The following STK11IP variants were observed in gnomAD, a reference collection of about 807,000 sequenced individuals.
The protein encoded by STK11IP is serine/threonine kinase 11 interacting protein, also known as serine/threonine-protein kinase 11-interacting protein.
Under a neutral mutation model 131.7 loss-of-function variants are expected in STK11IP, and 103 were observed. The observed-to-expected ratio is 0.78, with a 90% CI of 0.67 to 0.92. The LOEUF is 0.92. STK11IP is among the 40% of genes least tolerant of loss of function. STK11IP has a pLI of 0.00. For missense variants in STK11IP, 1,315 were observed against 1,385.7 expected (o/e 0.95, Z 0.81); for synonymous variants, 557 against 575.6 (o/e 0.97, Z 0.46).
intron 7 of STK11IP, 32 bp downstream of exon 7, chr2:219,602,808 C>A: frequency 6.3e-7 from 1 of 1,589,056 alleles, no homozygotes; most frequent in East Asian, 2.2e-5. Flanking sequence ...GCTGGCACAC[C>A]ATGGGTCTTT....
intron 7 of STK11IP, 90 bp downstream of exon 7, chr2:219,602,866 C>A: frequency 1.5e-6 from 2 of 1,296,844 alleles, no homozygotes; most frequent in Non-Finnish European, 2.2e-6. Flanking sequence ...TTACTCCCAC[C>A]TTGCTCTTGC....
At chr2:219,615,707 G>A (rs778820344) in intron 24 of STK11IP, 8 of 641,566 alleles carry the variant, frequency 1.2e-5, no homozygotes, top group South Asian at 1.1e-4. Context: ...CTATTTACAG[G>A]TGAGGAAGCT....
intron 14 of STK11IP, 55 bp from the exon 15 acceptor site, chr2:219,608,528 G>T: frequency 6.5e-7 from 1 of 1,544,338 alleles, no homozygotes; most frequent in Non-Finnish European, 8.7e-7. Context: ...TCGGGGGAGG[G>T]CAGAGTGTGG....
In STK11IP at chr2:219,598,180, G is replaced by A; in HGVS notation, c.61G>A (p.Gly21Arg). The A allele has an allele frequency of 1.3e-6, 2 of 1,551,164 alleles. No individual in the cohort carries two copies. Among genetic ancestry groups the A allele is most frequent in the African/African-American group, 1.4e-5 (1 of 72,934 alleles). Residue 21 changes from glycine to arginine, a missense_variant and splice_region_variant, in exon 2 of 25, where the codon GGG becomes AGG. Coordinates refer to ENST00000456909, the MANE Select transcript of STK11IP (RefSeq NM_052902.4). ...GCTCGCGGGGTTGCTGCGGGAGTCC[G>A]GTGAGTGGACTTCCGGTTGGGCTGG... ...WKLAGLLRES[G>R]DVVLSGCSTL...
At position 219,606,738 on chromosome 2, in the gene STK11IP, C is replaced by T. The variant is rs1698178320; in HGVS notation, c.1014C>T (p.Pro338=). The change falls in exon 12 of 25, where the codon CCC becomes CCT. Residue 338 remains proline, a synonymous_variant. Coordinates refer to ENST00000456909, the MANE Select transcript of STK11IP (RefSeq NM_052902.4). Reference sequence around the variant, plus strand: ...CTCACACATCCTTGGGGCTCAGCCCCATGGGCCCACCTTTGCCCTGGCCAG... The same window carrying T: ...CTCACACATCCTTGGGGCTCAGCCCTATGGGCCCACCTTTGCCCTGGCCAG... ...FQTHTSLGLS[P]MGPPLPWPVG... 1 of 1,612,860 alleles carries T rather than the reference C, an allele frequency of 6.2e-7. No individual in the cohort carries two copies. The highest frequency in any genetic ancestry group is 8.5e-7 in the Non-Finnish European group (1 of 1,179,262).
chr2:219,609,694 C>G (rs1370770685), intron 17 of STK11IP, 154 bp downstream of exon 17: 1 of 828,820 alleles, frequency 1.2e-6, no homozygotes, highest in Non-Finnish European at 1.9e-6. Flanking sequence ...AACCGTCTGC[C>G]TGCTGCATTT....
intron 24 of STK11IP, 98 bp from the exon 25 acceptor site, chr2:219,615,946 C>A: frequency 6.7e-7 from 1 of 1,502,014 alleles, no homozygotes; most frequent in Non-Finnish European, 9.1e-7. Flanking sequence ...AGGCACTGAG[C>A]CAAGGTGGAG....
At chr2:219,604,182 T>C (rs1044166696) in intron 7 of STK11IP, among the ~76,000 whole-genome samples, 1 of 152,158 alleles carries the variant, frequency 6.6e-6, no homozygotes. Flanking sequence ...GAGTCACCAT[T>C]CTAGGGATGC....
chr2:219,598,355 G>A (rs1247326500), intron 2 of STK11IP, 175 bp downstream of exon 2: 3 of 524,364 alleles, frequency 5.7e-6, no homozygotes, highest in African/African-American at 4.0e-5. Context: ...CTTTGCCTGT[G>A]ATAGCCTAAA....
At chr2:219,613,542 G>A (rs1379041994) in intron 20 of STK11IP, among the ~76,000 whole-genome samples, 1 of 69,790 alleles carries the variant, frequency 1.4e-5, no homozygotes, top group African/African-American at 6.1e-5. Context: ...GTGAGTGGGG[G>A]GCGGAGATGG....
chr2:219,604,027 G>A (rs935247277), intron 7 of STK11IP, among the ~76,000 whole-genome samples: 2 of 152,108 alleles, frequency 1.3e-5, no homozygotes, highest in African/African-American at 4.8e-5. Context: ...TTCACATGAA[G>A]CCCTTCTGGG....
rs537532989 is a variant in STK11IP, at chr2:219,615,820, G to A, written c.3118-224G>A. ...GAGCCCGCATCTTCTGTACAACAGG[G>A]AAGATGAAAAAGACAGGTCCTCTGG... On this transcript the variant is annotated intron_variant, in intron 24 of 24. Transcript: ENST00000456909. The A allele has an allele frequency of 5.2e-4, 375 of 722,910 alleles. 3 individuals carry two copies. The South Asian group carries it at 5.4e-3, about 10-fold the overall frequency. The allele number at this position is 722,910 out of a possible 1,614,324, so 44.8% of individuals were successfully genotyped here.
Position 219,615,110 on chromosome 2 carries a change from C to T in STK11IP, c.2886C>T (p.Leu962=), listed in dbSNP as rs200527328. 1.7e-3 allele frequency: 2,812 copies of T among 1,609,418 alleles called. 2 individuals are homozygous for T. The highest frequency in any genetic ancestry group is 2.3e-3 in the Non-Finnish European group (2,720 of 1,179,036). Reference sequence around the variant, plus strand: ...TCCCTGCAGGCCCTTCCACCTGCCTCGTATCCCTGTTGCTGACTCCGTCCA... The same window carrying T: ...TCCCTGCAGGCCCTTCCACCTGCCTTGTATCCCTGTTGCTGACTCCGTCCA... ...AFLVEGPSTC[L]VSLLLTPSTL... Residue 962 remains leucine (L), a synonymous_variant, in exon 24 of 25, where the codon CTC becomes CTT. Coordinates refer to ENST00000456909, the MANE Select transcript of STK11IP (RefSeq NM_052902.4).
chr2:219,608,574 T>C lies in STK11IP; in HGVS notation c.1604-9T>C, dbSNP rs1432624698. ...TCCCTGCAGGCCTTTTCTCTTGGTC[T>C]CTCCACAGCGGAACTCTGTCGCCCC... On this transcript the variant is annotated splice_polypyrimidine_tract_variant and intron_variant, in intron 14 of 24. Coordinates refer to ENST00000456909, the MANE Select transcript of STK11IP (RefSeq NM_052902.4). The C allele has an allele frequency of 1.3e-6, 2 of 1,572,180 alleles. No homozygotes were observed. The highest frequency in any genetic ancestry group is 2.3e-5 in the East Asian group (1 of 44,384).
intron 2 of STK11IP, 92 bp downstream of exon 2, chr2:219,598,272 C>A: frequency 2.1e-6 from 2 of 945,288 alleles, no homozygotes; most frequent in East Asian, 3.0e-5. Context: ...CATGGAGTTA[C>A]GACTGGTAGG....
At chr2:219,611,472 C>T (rs1210993767) in intron 17 of STK11IP, 132 bp from the exon 18 acceptor site, 20 of 743,926 alleles carry the variant, frequency 2.7e-5, no homozygotes, top group East Asian at 5.1e-5. Context: ...GCCTGGGGCG[C>T]GGTGGTTGTG....
intron 13 of STK11IP, 85 bp from the exon 14 acceptor site, chr2:219,607,962 C>T (rs937669774): frequency 1.1e-5 from 17 of 1,529,170 alleles, no homozygotes; most frequent in African/African-American, 6.8e-5. Flanking sequence ...CCATCGCCCC[C>T]TCATCGCTGA....
chr2:219,608,934 G>T, intron 15 of STK11IP, 146 bp downstream of exon 15: 1 of 1,104,560 alleles, frequency 9.1e-7, no homozygotes, highest in Non-Finnish European at 1.3e-6. Flanking sequence ...AAGCACTCGG[G>T]AAGCTGGGCT....
intron 5 of STK11IP, 85 bp downstream of exon 5, chr2:219,602,168 T>A: frequency 1.0e-6 from 1 of 1,000,038 alleles, no homozygotes; most frequent in East Asian, 2.6e-5. Context: ...TCTCTGCAGC[T>A]CTCCCTGCCT....
Sources: allele counts gnomAD v4.1 joint callset (sites outside exome capture counted in the v4.1 genomes callset), GRCh38; gene constraint gnomAD v4.1.1; transcripts MANE v1.5; gene names NCBI Gene and HGNC (gene_info 2026-07-23, HGNC 2026-07-21).